SPAG1: variants seen among roughly 807,000 people sequenced by gnomAD.
SPAG1 encodes the protein sperm-associated antigen 1.
Under a neutral mutation model 100.5 loss-of-function variants are expected in SPAG1, and 69 were observed. That is an observed-to-expected ratio of 0.69 (90% CI 0.57 to 0.84). The LOEUF (loss-of-function observed/expected upper bound fraction) is 0.84, where lower values mean the gene tolerates loss of function less well. SPAG1 is among the 40% of genes least tolerant of loss of function. The pLI is 0.00. For synonymous variants in SPAG1, 336 were observed against 411.6 expected, an observed-to-expected ratio of 0.82 and a Z score of 2.22; for missense variants, 955 against 1,133.1, an observed-to-expected ratio of 0.84 and a Z score of 2.26.
At chr8:100,212,542 AG>A (rs1817758943) in intron 10 of SPAG1, among the ~76,000 whole-genome samples, 1 of 152,240 alleles carries the variant, frequency 6.6e-6, no homozygotes, top group African/African-American at 2.4e-5. Flanking sequence ...TGTGTTTTTA[AG>A]GCTCCCTTTA....
chr8:100,220,556 T>G (rs1818225372), intron 13 of SPAG1, 125 bp downstream of exon 13: 6 of 699,918 alleles, frequency 8.6e-6, no homozygotes, highest in Non-Finnish European at 1.2e-5. Context: ...AATGATTGCC[T>G]TCTTTTATTC....
In SPAG1 at chr8:100,220,278, G is replaced by A. The variant is rs749101237; in HGVS notation, c.1536-1G>A. ...GTATGTAATATTTTTGTCTTCTTTAGGGCTCTGGAACTTCATCCATTCTCT... is the reference window on the plus strand; with the variant it reads ...GTATGTAATATTTTTGTCTTCTTTAAGGCTCTGGAACTTCATCCATTCTCT... On this transcript the variant is annotated splice_acceptor_variant, in intron 12 of 18. Transcript: ENST00000388798. LOFTEE classifies it high-confidence loss of function. 6.2e-7 allele frequency: 1 copy of A among 1,603,218 alleles called. No homozygotes were observed. Among genetic ancestry groups the A allele is most frequent in the Admixed American group, 1.8e-5 (1 of 56,452 alleles).
chr8:100,207,144 C>G (rs182708101), intron 10 of SPAG1, among the ~76,000 whole-genome samples: 68 of 152,324 alleles, frequency 4.5e-4, no homozygotes, highest in African/African-American at 1.4e-3. Context: ...AGTCACCATG[C>G]AACCTGAACT....
intron 3 of SPAG1, among the ~76,000 whole-genome samples, chr8:100,170,561 C>T (rs954626814): frequency 6.6e-6 from 1 of 152,108 alleles, no homozygotes; most frequent in South Asian, 2.1e-4. Flanking sequence ...CCCCTAGCAA[C>T]CACCATTCTA....
intron 7 of SPAG1, 81 bp downstream of exon 7, chr8:100,184,814 G>A (rs549777214): frequency 4.2e-5 from 32 of 763,118 alleles, no homozygotes; most frequent in Admixed American, 2.1e-4. Flanking sequence ...ATAAATAAGC[G>A]AAAGTCTATG....
intron 16 of SPAG1, among the ~76,000 whole-genome samples, chr8:100,234,630 G>A (rs1286700818): frequency 6.6e-6 from 1 of 152,200 alleles, no homozygotes; most frequent in Non-Finnish European, 1.5e-5. Context: ...CACAATTTGT[G>A]TATATATTCA....
At chr8:100,186,060 C>CTTTTTTT (rs71274962) in intron 7 of SPAG1, among the ~76,000 whole-genome samples, 13 of 89,958 alleles carry the variant, frequency 1.4e-4, no homozygotes, top group Admixed American at 3.0e-4. Flanking sequence ...TGGGCAGATT[C>CTTTTTTT]TTTTTTTTTT....
chr8:100,203,865 G>A (rs1190394217), intron 10 of SPAG1, among the ~76,000 whole-genome samples: 5 of 152,168 alleles, frequency 3.3e-5, no homozygotes, highest in Admixed American at 6.5e-5. Flanking sequence ...CTCATCATGC[G>A]AGTGGCTGAC....
At chr8:100,240,305 T>C (rs1819200460) in intron 17 of SPAG1, 98 bp from the exon 18 acceptor site, 3 of 1,175,034 alleles carry the variant, frequency 2.6e-6, no homozygotes, top group Non-Finnish European at 3.6e-6. Flanking sequence ...CAGTACAGTC[T>C]ACTTGTAGTT....
intron 14 of SPAG1, among the ~76,000 whole-genome samples, chr8:100,225,720 C>T (rs1818480312): frequency 6.6e-6 from 1 of 152,176 alleles, no homozygotes; most frequent in South Asian, 2.1e-4. Flanking sequence ...AATGATCTGC[C>T]TGCTTTGGCC....
chr8:100,224,287 C>T (rs1324563191), intron 13 of SPAG1, among the ~76,000 whole-genome samples: 6 of 152,002 alleles, frequency 3.9e-5, no homozygotes, highest in South Asian at 4.2e-4. Context: ...CGGTGGCTCA[C>T]GCCTGTAATC....
intron 13 of SPAG1, among the ~76,000 whole-genome samples, chr8:100,220,870 C>T (rs566700172): frequency 3.2e-4 from 48 of 152,074 alleles, no homozygotes; most frequent in African/African-American, 8.7e-4. Context: ...GTCAGGAGTT[C>T]GAGACCAGCC....
rs762552634 is a variant in SPAG1, at chr8:100,213,828, T to C, written c.1445T>C (p.Ile482Thr). 39 of 1,569,632 alleles carry C rather than the reference T, an allele frequency of 2.5e-5. No individual in the cohort carries two copies. Among genetic ancestry groups the C allele is most frequent in the Non-Finnish European group, 3.2e-5 (37 of 1,144,190 alleles). ...IALLEPAGSE[I>T]ADDLSILYSN... ...TAAATGTGATTTTTAGGAAGTGAAA[T>C]TGCAGATGATCTAAGTATCTTATAT... Residue 482 changes from isoleucine (I) to threonine (T), a missense_variant, in exon 12 of 19, where the codon ATT becomes ACT. Physicochemically the swap from Ile to Thr is moderately conservative, Grantham distance 89. Coordinates refer to ENST00000388798, the MANE Select transcript of SPAG1 (RefSeq NM_003114.5).
chr8:100,213,264 C>CGGCGGCGGCGGCG lies in SPAG1; in HGVS notation c.1282_1294dup (p.Ala432GlyfsTer54), dbSNP rs973819096. On this transcript the variant is annotated frameshift_variant, in exon 11 of 19. Coordinates refer to ENST00000388798, the MANE Select transcript of SPAG1 (RefSeq NM_003114.5). LOFTEE classifies it high-confidence loss of function. ...AAGCGGAGCCCACGGCGGGCCTCTG[C>CGGCGGCGGCGGCG]GGCGGCGGCGGCGGGCGGCGGCGCC... 1.2e-5 allele frequency: 14 copies of CGGCGGCGGCGGCG among 1,175,512 alleles called. No individual in the cohort carries two copies. Among genetic ancestry groups the CGGCGGCGGCGGCG allele is most frequent in the Admixed American group, 4.6e-5 (1 of 21,606 alleles). 72.8% of individuals were successfully genotyped at this position (1,175,512 alleles called of 1,614,324 possible). A position where few individuals can be genotyped will look rare whatever the true frequency, so the allele number is the denominator to read the frequency against.
intron 10 of SPAG1, among the ~76,000 whole-genome samples, chr8:100,202,342 TAAAAAAA>T (rs113103783): frequency 6.9e-6 from 1 of 145,772 alleles, no homozygotes; most frequent in Non-Finnish European, 1.5e-5. Context: ...ACCATTTGTT[TAAAAAAA>T]AAAACAAAAA....
rs1019730188 is a variant in SPAG1 at position 100,169,528 on chromosome 8, C to T, written c.300+3555C>T. ...CTGAGGCGGGTGGATCACTTGAGGT[C>T]GGGAGTTCAAGACCAGACTGGCCAA... On this transcript the variant is annotated intron_variant, in intron 3 of 18. Transcript: ENST00000388798. Among the ~76,000 whole-genome samples the T allele has an allele frequency of 7.9e-5, 12 of 152,250 alleles. 1 individual carries two copies. The highest frequency in any genetic ancestry group is 7.7e-4 in the East Asian group (4 of 5,184).
rs1386156397 is a variant in SPAG1 at position 100,191,438 on chromosome 8, A to G, written c.881A>G (p.Glu294Gly). Residue 294 changes from glutamate to glycine, a missense_variant, in exon 9 of 19, where the codon GAA (glutamate) becomes GGA (glycine). Transcript: ENST00000388798. ...TTYKHQNKLR[E>G]ATEDLSKVLD... ...TATAAACATCAAAACAAGCTCCGGG[A>G]AGCTACAGAAGATTTGAGTAAAGTA... 1 of 1,614,096 alleles carries G rather than the reference A, an allele frequency of 6.2e-7. No homozygotes were observed. The highest frequency in any genetic ancestry group is 2.2e-5 in the East Asian group (1 of 44,868).
chr8:100,209,294 C>A (rs964644919), intron 10 of SPAG1, among the ~76,000 whole-genome samples: 2 of 143,916 alleles, frequency 1.4e-5, no homozygotes, highest in Admixed American at 1.4e-4. Context: ...ATAAACTCCC[C>A]TTTATATACA....
Position 100,183,963 on chromosome 8 carries a change from G to C in SPAG1, c.496G>C (p.Val166Leu). 2 of 1,496,240 alleles carry C rather than the reference G, an allele frequency of 1.3e-6. No homozygotes were observed. Among genetic ancestry groups the C allele is most frequent in the African/African-American group, 1.4e-5 (1 of 69,336 alleles). 92.7% of individuals were successfully genotyped at this position (1,496,240 alleles called of 1,614,324 possible). ...RDYAEWDKFDVEKECLKIDED... is the reference protein window; with the variant it reads ...RDYAEWDKFDLEKECLKIDED... Reference sequence around the variant, plus strand: ...ATTGTTCTTTCATTTAAGATTTGACGTGGAGAAGGAATGTTTAAAAATTGA... The same window carrying C: ...ATTGTTCTTTCATTTAAGATTTGACCTGGAGAAGGAATGTTTAAAAATTGA... Residue 166 changes from valine (V) to leucine (L), a missense_variant, in exon 6 of 19, where the codon GTG becomes CTG. Val to Leu is a conservative substitution (Grantham distance 32). Coordinates refer to ENST00000388798, the MANE Select transcript of SPAG1 (RefSeq NM_003114.5).
Sources: gnomAD v4.1 joint callset for allele counts (sites outside exome capture counted in the v4.1 genomes callset) on GRCh38, gnomAD v4.1.1 for gene constraint, MANE v1.5 for transcripts, NCBI Gene and HGNC (gene_info 2026-07-23, HGNC 2026-07-21) for gene names.